GPHN: variants seen among roughly 807,000 people sequenced by gnomAD.
GPHN encodes gephyrin.
In GPHN, 17 loss-of-function variants were observed where a neutral mutation model predicts 95.5. The observed-to-expected ratio is 0.18, with a 90% CI of 0.12 to 0.27. GPHN has a LOEUF of 0.27. GPHN is among the 10% of genes least tolerant of loss of function. The pLI, the probability that GPHN is intolerant of heterozygous loss-of-function variation, is 1.00. For missense variants in GPHN, 660 were observed against 978.1 expected (o/e 0.67, Z 4.34); for synonymous variants, 320 against 322.5 (o/e 0.99, Z 0.08).
At chr14:66,699,906 A>G (rs1208422721) in intron 2 of GPHN, among the ~76,000 whole-genome samples, 1 of 152,170 alleles carries the variant, frequency 6.6e-6, no homozygotes, top group Admixed American at 6.5e-5. Context: ...ATGCCGAAGG[A>G]TGTTTAAAAT....
the GPHN span, among the ~76,000 whole-genome samples, chr14:67,266,328 A>G: frequency 1.4e-5 from 2 of 145,000 alleles, no homozygotes; most frequent in Non-Finnish European, 2.9e-5. Context: ...GAGTAATTCA[A>G]ATATTTCAAT....
intron 9 of GPHN, among the ~76,000 whole-genome samples, chr14:66,972,952 C>A (rs1138802): frequency 0.3 from 45,865 of 151,900 alleles, 10,458 homozygotes; most frequent in African/African-American, 0.62. Flanking sequence ...TCAACGTAGC[C>A]AAAAAGGCAA....
At chr14:66,878,507 A>C (rs1275688735) in intron 4 of GPHN, among the ~76,000 whole-genome samples, 1 of 152,212 alleles carries the variant, frequency 6.6e-6, no homozygotes, top group Non-Finnish European at 1.5e-5. Flanking sequence ...AAAGAACTTA[A>C]ACAAATTTAC....
chr14:66,692,641 TCTAATTACCA>T (rs1206187988), intron 2 of GPHN, among the ~76,000 whole-genome samples: 1 of 152,190 alleles, frequency 6.6e-6, no homozygotes, highest in African/African-American at 2.4e-5. Context: ...ATTTGCTATT[TCTAATTACCA>T]TTTTTATATG....
At chr14:66,512,674 A>G (rs1305839597) in intron 1 of GPHN, among the ~76,000 whole-genome samples, 1 of 151,826 alleles carries the variant, frequency 6.6e-6, no homozygotes, top group Non-Finnish European at 1.5e-5. Context: ...GTAAATGAGA[A>G]CATCAAAATA....
intron 1 of GPHN, among the ~76,000 whole-genome samples, chr14:66,534,283 G>A (rs1309861779): frequency 4.6e-5 from 7 of 152,060 alleles, no homozygotes; most frequent in African/African-American, 1.4e-4. Flanking sequence ...GGTTTTCACA[G>A]GTTAACTAAT....
At chr14:67,393,129 G>C in the GPHN span, 6 of 1,565,860 alleles carry the variant, frequency 3.8e-6, no homozygotes, top group East Asian at 1.1e-4. Context: ...TGCCCAGCCC[G>C]GCCCTGGGGG....
intron 1 of GPHN, among the ~76,000 whole-genome samples, chr14:66,641,831 T>C (rs1037422941): frequency 6.6e-6 from 1 of 152,106 alleles, no homozygotes; most frequent in Admixed American, 6.6e-5. Flanking sequence ...GGTATAAAGA[T>C]TTAGTGCAAT....
At chr14:67,683,821 T>A in the GPHN span, among the ~76,000 whole-genome samples, 1 of 152,216 alleles carries the variant, frequency 6.6e-6, no homozygotes, top group Admixed American at 6.5e-5. Context: ...TCCCTACTAA[T>A]ATTTTAATAA....
intron 1 of GPHN, among the ~76,000 whole-genome samples, chr14:66,679,686 T>G (rs544762936): frequency 1.3e-5 from 2 of 152,366 alleles, no homozygotes; most frequent in East Asian, 3.9e-4. Context: ...TCAAATTCAC[T>G]AATCTGTGCT....
At chr14:67,368,272 G>A in the GPHN span, among the ~76,000 whole-genome samples, 4 of 152,184 alleles carry the variant, frequency 2.6e-5, no homozygotes, top group Non-Finnish European at 5.9e-5. Context: ...AGACTGCCCT[G>A]CTTGTCTAAT....
chr14:67,006,279 T>A (rs554440644), intron 9 of GPHN, among the ~76,000 whole-genome samples: 78 of 152,074 alleles, frequency 5.1e-4, no homozygotes, highest in Non-Finnish European at 9.6e-4. Context: ...ATATTAGCAA[T>A]TTTCCTTGTC....
chr14:67,041,845 G>GTGTTCCTATTCTTCCAC (rs1263912949), intron 10 of GPHN, among the ~76,000 whole-genome samples: 3 of 152,150 alleles, frequency 2.0e-5, no homozygotes, highest in Non-Finnish European at 4.4e-5. Context: ...CAGTGTAAAT[G>GTGTTCCTATTCTTCCAC]TGTTCCTATT....
the GPHN span, chr14:67,619,688 G>C: frequency 0.017 from 5,465 of 320,524 alleles, 261 homozygotes; most frequent in African/African-American, 0.11. Flanking sequence ...CCGGATATTG[G>C]CCTTCTGGCG....
At chr14:67,457,044 G>A in the GPHN span, among the ~76,000 whole-genome samples, 1 of 152,192 alleles carries the variant, frequency 6.6e-6, no homozygotes, top group African/African-American at 2.4e-5. Flanking sequence ...AGCAAATACA[G>A]CATCTTCTCG....
At chr14:67,561,605 T>C in the GPHN span, among the ~76,000 whole-genome samples, 2 of 152,056 alleles carry the variant, frequency 1.3e-5, no homozygotes, top group Non-Finnish European at 2.9e-5. Flanking sequence ...CAGTGGCACA[T>C]GCCTGTAATC....
the GPHN span, among the ~76,000 whole-genome samples, chr14:67,635,011 G>A: frequency 6.6e-6 from 1 of 152,168 alleles, no homozygotes; most frequent in Non-Finnish European, 1.5e-5. Context: ...TTGGGAGGCT[G>A]AAGAGGGTGG....
the GPHN span, among the ~76,000 whole-genome samples, chr14:67,711,982 C>T: frequency 5.9e-5 from 9 of 151,990 alleles, no homozygotes; most frequent in South Asian, 4.2e-4. Context: ...TGCAATGGTG[C>T]GATCTAGGCT....
intron 4 of GPHN, among the ~76,000 whole-genome samples, chr14:66,834,329 C>T (rs761574398): frequency 6.6e-6 from 1 of 152,018 alleles, no homozygotes; most frequent in Admixed American, 6.6e-5. Context: ...TAAAATGGTG[C>T]CAGTATAAAA....
Sources: allele counts gnomAD v4.1 joint callset (sites outside exome capture counted in the v4.1 genomes callset), GRCh38; gene constraint gnomAD v4.1.1; transcripts MANE v1.5; gene names NCBI Gene and HGNC (gene_info 2026-07-23, HGNC 2026-07-21).